PDE4B: variants seen among roughly 807,000 people sequenced by gnomAD.
PDE4B encodes the protein phosphodiesterase 4B.
In PDE4B, 20 loss-of-function variants were observed where a neutral mutation model predicts 82.2. That is an observed-to-expected ratio of 0.24 (90% CI 0.17 to 0.35). The LOEUF (loss-of-function observed/expected upper bound fraction) is 0.35, where lower values mean the gene tolerates loss of function less well. Among genes scored for constraint, PDE4B ranks in the 10% least tolerant of loss-of-function variants. The pLI, the probability that PDE4B is intolerant of heterozygous loss-of-function variation, is 1.00. For synonymous variants in PDE4B, 320 were observed against 318.9 expected (o/e 1.00, Z -0.04); for missense variants, 655 against 907.2 (o/e 0.72, Z 3.57).
At chr1:66,351,813 T>A (rs902009642) in intron 8 of PDE4B, among the ~76,000 whole-genome samples, 4 of 152,226 alleles carry the variant, frequency 2.6e-5, no homozygotes, top group Admixed American at 2.6e-4. Context: ...GGGAGTCAGA[T>A]GCTGAAAGCC....
intron 3 of PDE4B, among the ~76,000 whole-genome samples, chr1:66,027,299 T>C (rs964843154): frequency 2.0e-5 from 3 of 152,046 alleles, no homozygotes; most frequent in African/African-American, 7.2e-5. Context: ...GATAAACCCA[T>C]CAGATTTTGT....
chr1:66,022,141 T>C (rs1482921284), intron 3 of PDE4B, among the ~76,000 whole-genome samples: 1 of 152,220 alleles, frequency 6.6e-6, no homozygotes, highest in Non-Finnish European at 1.5e-5. Context: ...ATGCTTGTGA[T>C]TTTTGCACAT....
intron 3 of PDE4B, among the ~76,000 whole-genome samples, chr1:66,189,641 T>C (rs1647559863): frequency 6.6e-6 from 1 of 152,230 alleles, no homozygotes. Flanking sequence ...TTGAGGCTTG[T>C]GCATTCGTCA....
At chr1:65,970,313 A>C (rs1018690330) in intron 3 of PDE4B, among the ~76,000 whole-genome samples, 1 of 152,066 alleles carries the variant, frequency 6.6e-6, no homozygotes, top group African/African-American at 2.4e-5. Context: ...AAAATGGGAA[A>C]TACATTTTGG....
chr1:66,261,741 C>T (rs571118826), intron 6 of PDE4B, among the ~76,000 whole-genome samples: 4 of 152,298 alleles, frequency 2.6e-5, no homozygotes, highest in South Asian at 4.1e-4. Flanking sequence ...CATGAAATAT[C>T]CCATTGAGGG....
chr1:65,965,985 C>A (rs1649802929), intron 3 of PDE4B, among the ~76,000 whole-genome samples: 1 of 152,066 alleles, frequency 6.6e-6, no homozygotes, highest in Non-Finnish European at 1.5e-5. Context: ...TTAAAACTAG[C>A]ACAAGGAAAG....
intron 3 of PDE4B, among the ~76,000 whole-genome samples, chr1:65,988,635 AT>A (rs11307637): frequency 0.24 from 36,665 of 151,476 alleles, 5,259 homozygotes; most frequent in East Asian, 0.45. Flanking sequence ...TCTTTTAAAG[AT>A]TTTTTTTTAA....
intron 3 of PDE4B, among the ~76,000 whole-genome samples, chr1:66,234,715 A>G (rs1652267367): frequency 6.6e-6 from 1 of 151,314 alleles, no homozygotes; most frequent in Non-Finnish European, 1.5e-5. Flanking sequence ...GTCTGACTAG[A>G]GGTTTGTCAA....
intron 9 of PDE4B, among the ~76,000 whole-genome samples, chr1:66,357,856 A>G (rs1570765597): frequency 1.3e-5 from 2 of 152,320 alleles, no homozygotes; most frequent in East Asian, 1.9e-4. Context: ...CTAACTTACT[A>G]TAACTCTGAT....
intron 3 of PDE4B, among the ~76,000 whole-genome samples, chr1:66,244,151 T>G (rs1653111597): frequency 6.6e-6 from 1 of 152,174 alleles, no homozygotes; most frequent in Admixed American, 6.5e-5. Context: ...AGCAACTGAA[T>G]GAAGCAGCTC....
intron 7 of PDE4B, among the ~76,000 whole-genome samples, chr1:66,300,331 T>A (rs1304167824): frequency 6.6e-6 from 1 of 152,140 alleles, no homozygotes. Context: ...GCCTGGAACA[T>A]CACTGCTGGC....
chr1:66,142,888 A>C (rs1464563279), intron 3 of PDE4B, among the ~76,000 whole-genome samples: 1 of 152,230 alleles, frequency 6.6e-6, no homozygotes, highest in African/African-American at 2.4e-5. Context: ...CAGCTACCAG[A>C]AAAGGTCTCC....
At chr1:66,254,008 A>G (rs1180865732) in intron 4 of PDE4B, among the ~76,000 whole-genome samples, 1 of 152,168 alleles carries the variant, frequency 6.6e-6, no homozygotes, top group Non-Finnish European at 1.5e-5. Flanking sequence ...AACTCCTCCA[A>G]CTCATTCAAC....
chr1:65,889,553 AATGCTTCATAATATGAAGT>A lies in PDE4B; in HGVS notation c.-70-23688_-70-23670del, dbSNP rs545322177. 1.3e-3 allele frequency among the ~76,000 whole-genome samples: 194 copies of A among 152,296 alleles called. 2 individuals carry two copies. The highest frequency in any genetic ancestry group is 4.5e-3 in the African/African-American group (186 of 41,582). On this transcript the variant is annotated intron_variant, in intron 1 of 16. Transcript: ENST00000341517. ...GAAGTTGTAATTTTTTGAAACATAA[AATGCTTCATAATATGAAGT>A]ATGTTTGGAATTGAAGCCAAGGAAA...
chr1:65,850,088 C>A (rs1037435695), intron 1 of PDE4B, among the ~76,000 whole-genome samples: 1 of 150,356 alleles, frequency 6.7e-6, no homozygotes, highest in East Asian at 1.9e-4. Flanking sequence ...TCATCACCAA[C>A]GCTTAGTAGT....
At chr1:65,909,837 A>G (rs1029780574) in intron 1 of PDE4B, among the ~76,000 whole-genome samples, 2 of 152,230 alleles carry the variant, frequency 1.3e-5, no homozygotes, top group Non-Finnish European at 2.9e-5. Context: ...GTATCTTTTA[A>G]TATCACTCCT....
chr1:65,931,226 C>T (rs1326005206), intron 3 of PDE4B, among the ~76,000 whole-genome samples: 1 of 152,192 alleles, frequency 6.6e-6, no homozygotes, highest in African/African-American at 2.4e-5. Flanking sequence ...TCCCTAGAAG[C>T]AGAAGCAGCT....
At chr1:65,882,399 G>C (rs923468327) in intron 1 of PDE4B, among the ~76,000 whole-genome samples, 22 of 152,134 alleles carry the variant, frequency 1.4e-4, no homozygotes, top group Admixed American at 5.2e-4. Flanking sequence ...ACTCAGCTGG[G>C]TTGTTACTTA....
intron 3 of PDE4B, among the ~76,000 whole-genome samples, chr1:66,182,324 G>A (rs999086784): frequency 1.3e-5 from 2 of 151,868 alleles, no homozygotes; most frequent in African/African-American, 4.8e-5. Context: ...CTTTATTATT[G>A]TTTTGGGGAA....
Sources: allele counts gnomAD v4.1 joint callset (sites outside exome capture counted in the v4.1 genomes callset), GRCh38; gene constraint gnomAD v4.1.1; transcripts MANE v1.5; gene names NCBI Gene and HGNC (gene_info 2026-07-23, HGNC 2026-07-21).